DDC: variants seen among roughly 807,000 people sequenced by gnomAD.
The protein encoded by DDC is dopa decarboxylase.
A neutral mutation model predicts 60.0 loss-of-function variants in DDC; 43 were observed. The observed-to-expected ratio is 0.72, with a 90% confidence interval of 0.56 to 0.92. The LOEUF is 0.92. Ranked by LOEUF, DDC falls within the 40% of genes least tolerant of loss-of-function variation. DDC has a pLI of 0.00. For missense variants in DDC, 573 were observed against 620.2 expected (o/e 0.92, Z 0.81); for synonymous variants, 232 against 234.6 (o/e 0.99, Z 0.10).
At chr7:50,550,703 G>A (rs2044965649) in intron 1 of DDC, among the ~76,000 whole-genome samples, 1 of 152,188 alleles carries the variant, frequency 6.6e-6, no homozygotes, top group African/African-American at 2.4e-5. Context: ...GGTCACGGTA[G>A]GTGAGATACA....
intron 9 of DDC, among the ~76,000 whole-genome samples, chr7:50,481,599 C>T (rs968389419): frequency 1.3e-5 from 2 of 152,126 alleles, no homozygotes; most frequent in African/African-American, 4.8e-5. Context: ...TAAATCACCA[C>T]CCCCTGCTTA....
At chr7:50,548,783 A>G (rs1234633582) in intron 1 of DDC, among the ~76,000 whole-genome samples, 1 of 152,246 alleles carries the variant, frequency 6.6e-6, no homozygotes, top group Non-Finnish European at 1.5e-5. Context: ...CAATATAGAC[A>G]TCATAGCCTT....
chr7:50,492,278 C>T (rs2043013003), intron 9 of DDC, among the ~76,000 whole-genome samples: 1 of 152,210 alleles, frequency 6.6e-6, no homozygotes. Context: ...TAAAGATCAG[C>T]AATTTCTGTG....
intron 6 of DDC, among the ~76,000 whole-genome samples, chr7:50,511,187 TTAAA>T (rs1174778530): frequency 6.6e-6 from 1 of 151,408 alleles, no homozygotes; most frequent in African/African-American, 2.4e-5. Context: ...TGAATTCCTA[TTAAA>T]TAAATTACAT....
At chr7:50,536,901 A>C (rs1404803819) in intron 4 of DDC, among the ~76,000 whole-genome samples, 1 of 152,222 alleles carries the variant, frequency 6.6e-6, no homozygotes, top group Non-Finnish European at 1.5e-5. Context: ...TGTGAAAGAC[A>C]ATATCTGAAA....
intron 6 of DDC, among the ~76,000 whole-genome samples, chr7:50,505,909 C>A (rs542135751): frequency 1.8e-4 from 27 of 152,338 alleles, no homozygotes; most frequent in Non-Finnish European, 2.8e-4. Flanking sequence ...GGATGGTGAG[C>A]CCAACAAGTC....
chr7:50,541,045 C>T lies in DDC; in HGVS notation c.202-1017G>A, dbSNP rs576158064. On this transcript the variant is annotated intron_variant, in intron 2 of 14. Coordinates refer to ENST00000444124, the MANE Select transcript of DDC (RefSeq NM_001082971.2). ...GAAGGAACAGAATAAAGTCCTAAAGCCCTCAGGACAACCCTCAGCCCCTGT... is the reference window on the plus strand; with the variant it reads ...GAAGGAACAGAATAAAGTCCTAAAGTCCTCAGGACAACCCTCAGCCCCTGT... Among the ~76,000 whole-genome samples, 3 of 152,326 alleles carry T rather than the reference C, an allele frequency of 2.0e-5. No individual in the cohort carries two copies. The South Asian group carries it at 6.2e-4, about 32-fold the overall frequency.
intron 1 of DDC, among the ~76,000 whole-genome samples, chr7:50,553,032 A>T (rs543293218): frequency 6.6e-6 from 1 of 152,164 alleles, no homozygotes; most frequent in East Asian, 1.9e-4. Flanking sequence ...CACTCTTAGG[A>T]CTTCTCTGCC....
rs538141545 is a variant in DDC, at chr7:50,516,390, G to A, written c.714+11747C>T. 2.7e-3 allele frequency among the ~76,000 whole-genome samples: 409 copies of A among 152,128 alleles called. 1 individual carries two copies. Among genetic ancestry groups the A allele is most frequent in the Non-Finnish European group, 4.9e-3 (335 of 67,978 alleles). ...ATTCTTCAAACAGAACAACAGTAAC[G>A]ACACAACCTACCAAAACCTCTGGGA... On this transcript the variant is annotated intron_variant, in intron 6 of 14. Transcript: ENST00000444124.
At position 50,552,130 on chromosome 7, in the gene DDC, G is replaced by GT. The variant is rs2045017611; in HGVS notation, c.-28-8018dup. On this transcript the variant is annotated intron_variant, in intron 1 of 14. Transcript: ENST00000444124. ...GTTCTTATATTTTAAATTATTCTCT[G>GT]TTATTTATTCACAGATTATTTCCCA... 2.0e-5 allele frequency among the ~76,000 whole-genome samples: 3 copies of GT among 152,270 alleles called. No individual in the cohort carries two copies. In the South Asian group the frequency reaches 6.2e-4, roughly 32 times the overall value.
At chr7:50,460,455 A>AGCCG (rs1562975182) in intron 14 of DDC, among the ~76,000 whole-genome samples, 2 of 145,612 alleles carry the variant, frequency 1.4e-5, no homozygotes. Context: ...CCGGCCAGCC[A>AGCCG]CCCGGTCCAG....
chr7:50,504,211 T>G lies in DDC; in HGVS notation c.715-152A>C, dbSNP rs375837322. 34 of 695,482 alleles carry G rather than the reference T, an allele frequency of 4.9e-5. No individual in the cohort carries two copies. In the African/African-American group the frequency reaches 6.0e-4, roughly 12 times the overall value. The allele number at this position is 695,482 out of a possible 1,614,324, so 43.1% of individuals were successfully genotyped here. A position where few individuals can be genotyped will look rare whatever the true frequency, so the allele number is the denominator to read the frequency against. On this transcript the variant is annotated intron_variant, in intron 6 of 14. Coordinates refer to ENST00000444124, the MANE Select transcript of DDC (RefSeq NM_001082971.2). ...CTACATGGAAACGTAAGCCCATGGA[T>G]GCACATTGAATCTTTGGGTGAAAGC...
chr7:50,463,949 G>A (rs1370818529), intron 13 of DDC, among the ~76,000 whole-genome samples: 4 of 152,100 alleles, frequency 2.6e-5, no homozygotes, highest in Non-Finnish European at 4.4e-5. Flanking sequence ...CCTGGGGTAG[G>A]CGCAGAGGCC....
rs2042319517 is a variant in DDC at position 50,463,141 on chromosome 7, G to C, written c.*18+72C>G. The stretch of plus-strand genomic sequence containing the variant: ...GTGGCCGGGCTGGGCCTGTAGCTGG[G>C]TCTGGACTCCAGGAGGACACTCTTG... On this transcript the variant is annotated intron_variant, in intron 14 of 14. Coordinates refer to ENST00000444124, the MANE Select transcript of DDC (RefSeq NM_001082971.2). The C allele has an allele frequency of 1.0e-5, 13 of 1,258,834 alleles. No individual in the cohort carries two copies. In the South Asian group the frequency reaches 1.2e-4, roughly 11 times the overall value. 78.0% of individuals were successfully genotyped at this position (1,258,834 alleles called of 1,614,324 possible).
At chr7:50,491,363 A>G (rs1053440398) in intron 9 of DDC, among the ~76,000 whole-genome samples, 1 of 150,836 alleles carries the variant, frequency 6.6e-6, no homozygotes, top group Admixed American at 6.6e-5. Flanking sequence ...TTTTTCCTTC[A>G]TGGGTCATGA....
At chr7:50,547,727 C>A (rs1231360612) in intron 1 of DDC, among the ~76,000 whole-genome samples, 2 of 152,304 alleles carry the variant, frequency 1.3e-5, no homozygotes, top group Admixed American at 1.3e-4. Flanking sequence ...TATGTATTAG[C>A]TATCATAATC....
intron 7 of DDC, 136 bp downstream of exon 7, chr7:50,503,857 T>C: frequency 1.3e-6 from 1 of 748,098 alleles, no homozygotes; most frequent in Non-Finnish European, 2.4e-6. Context: ...GTTTGTGTTA[T>C]TGCAAATACG....
chr7:50,527,163 C>G (rs1364583175), intron 6 of DDC, among the ~76,000 whole-genome samples: 1 of 152,148 alleles, frequency 6.6e-6, no homozygotes, highest in East Asian at 1.9e-4. Flanking sequence ...TGGAATGTTG[C>G]CTTTTTGCTT....
intron 9 of DDC, among the ~76,000 whole-genome samples, chr7:50,481,460 A>G (rs183630661): frequency 9.7e-4 from 147 of 152,288 alleles, no homozygotes; most frequent in African/African-American, 3.4e-3. Context: ...ATTTATGGCT[A>G]TCAGTAGAAC....
Sources: allele counts gnomAD v4.1 joint callset (sites outside exome capture counted in the v4.1 genomes callset), GRCh38; gene constraint gnomAD v4.1.1; transcripts MANE v1.5; gene names NCBI Gene and HGNC (gene_info 2026-07-23, HGNC 2026-07-21).